RALYL: variants seen among roughly 807,000 people sequenced by gnomAD.
RALYL encodes RALY RNA binding protein like.
RALYL carries 29 observed loss-of-function variants against 35.1 expected under a neutral mutation model. The observed-to-expected ratio is 0.83, with a 90% CI of 0.61 to 1.13. RALYL has a LOEUF of 1.13. Among genes scored for constraint, RALYL ranks in the 50% most tolerant of loss-of-function variants. The pLI is 0.00. For synonymous variants in RALYL, 120 were observed against 127.6 expected, an observed-to-expected ratio of 0.94 and a Z score of 0.40; for missense variants, 359 against 360.4, an observed-to-expected ratio of 1.00 and a Z score of 0.03.
At chr8:84,814,214 T>C (rs1487781611) in intron 4 of RALYL, among the ~76,000 whole-genome samples, 1 of 152,190 alleles carries the variant, frequency 6.6e-6, no homozygotes, top group Non-Finnish European at 1.5e-5. Flanking sequence ...GGTATATTTA[T>C]GTATCATGTT....
At chr8:84,312,117 G>T (rs961813565) in intron 1 of RALYL, among the ~76,000 whole-genome samples, 4 of 152,182 alleles carry the variant, frequency 2.6e-5, no homozygotes, top group African/African-American at 4.8e-5. Context: ...TCATAAGGTG[G>T]CAGGAGAGAG....
chr8:84,606,195 A>C (rs575294484), intron 2 of RALYL, among the ~76,000 whole-genome samples: 1 of 152,170 alleles, frequency 6.6e-6, no homozygotes, highest in African/African-American at 2.4e-5. Context: ...ATCTCCCCTC[A>C]GTTTCTTTAA....
At chr8:84,620,817 G>A (rs1159961282) in intron 2 of RALYL, among the ~76,000 whole-genome samples, 2 of 152,112 alleles carry the variant, frequency 1.3e-5, no homozygotes, top group African/African-American at 2.4e-5. Context: ...CTAACAGACA[G>A]GACCCTCAGC....
At chr8:84,774,290 C>T (rs1375236124) in intron 2 of RALYL, among the ~76,000 whole-genome samples, 1 of 152,126 alleles carries the variant, frequency 6.6e-6, no homozygotes, top group Non-Finnish European at 1.5e-5. Flanking sequence ...TAGTACTCAT[C>T]GTTTTCTAAT....
At chr8:84,847,846 C>T (rs1258370778) in intron 4 of RALYL, among the ~76,000 whole-genome samples, 3 of 152,088 alleles carry the variant, frequency 2.0e-5, no homozygotes, top group Admixed American at 6.5e-5. Context: ...AGCACCTGAA[C>T]CCAAACACCA....
intron 1 of RALYL, among the ~76,000 whole-genome samples, chr8:84,468,472 C>T (rs537870989): frequency 6.7e-6 from 1 of 148,208 alleles, no homozygotes; most frequent in Non-Finnish European, 1.5e-5. Flanking sequence ...AACATTGGCC[C>T]CCACTCTCTT....
chr8:84,293,367 C>A (rs73304879), intron 1 of RALYL, among the ~76,000 whole-genome samples: 7,045 of 152,116 alleles, frequency 0.046, 263 homozygotes, highest in African/African-American at 0.083. Flanking sequence ...AGGGATTATT[C>A]TTCTTTAATA....
At chr8:84,898,484 C>T (rs1350170984) in intron 8 of RALYL, among the ~76,000 whole-genome samples, 1 of 152,166 alleles carries the variant, frequency 6.6e-6, no homozygotes, top group African/African-American at 2.4e-5. Context: ...CTGAGAACCA[C>T]TGGGATAGAG....
intron 1 of RALYL, among the ~76,000 whole-genome samples, chr8:84,459,142 A>C (rs1422419919): frequency 2.0e-5 from 3 of 151,838 alleles, no homozygotes; most frequent in Non-Finnish European, 4.4e-5. Flanking sequence ...ATTGTATATG[A>C]AACTAATGGA....
intron 1 of RALYL, among the ~76,000 whole-genome samples, chr8:84,307,738 C>T (rs1842095030): frequency 6.6e-6 from 1 of 152,116 alleles, no homozygotes; most frequent in African/African-American, 2.4e-5. Flanking sequence ...TCTGAGAAAA[C>T]CAATCCAGTT....
intron 2 of RALYL, among the ~76,000 whole-genome samples, chr8:84,753,378 T>C (rs1810547001): frequency 6.6e-6 from 1 of 152,168 alleles, no homozygotes; most frequent in South Asian, 2.1e-4. Context: ...CCTTGGACTT[T>C]TGAGTTAATG....
Position 84,726,350 on chromosome 8 carries a change from A to G in RALYL, c.257-48229A>G, listed in dbSNP as rs1172202966. ...TATATATAATTTTATTTTTGTAGGT[A>G]TAGTCCTGTGCAATGTCTTCCTTAC... On this transcript the variant is annotated intron_variant, in intron 2 of 8. Transcript: ENST00000521268. Among the ~76,000 whole-genome samples the G allele has an allele frequency of 2.0e-5, 3 of 148,310 alleles. No homozygotes were observed. The Admixed American group carries it at 2.0e-4, about 10-fold the overall frequency.
intron 1 of RALYL, among the ~76,000 whole-genome samples, chr8:84,289,860 T>A (rs1723128025): frequency 6.6e-6 from 1 of 152,198 alleles, no homozygotes; most frequent in African/African-American, 2.4e-5. Flanking sequence ...AAAATCTGTA[T>A]TGTACCAAGA....
chr8:84,868,216 A>AT (rs869250674), intron 6 of RALYL, among the ~76,000 whole-genome samples: 3 of 152,158 alleles, frequency 2.0e-5, no homozygotes, highest in South Asian at 4.2e-4. Flanking sequence ...CACTTAAAAA[A>AT]TTTTTTTAGA....
At chr8:84,692,235 T>C (rs899466351) in intron 2 of RALYL, among the ~76,000 whole-genome samples, 1 of 151,938 alleles carries the variant, frequency 6.6e-6, no homozygotes, top group African/African-American at 2.4e-5. Context: ...TCATAGCCAC[T>C]GAAGACAGAA....
At chr8:84,495,079 C>G (rs1341683628) in intron 1 of RALYL, among the ~76,000 whole-genome samples, 2 of 152,056 alleles carry the variant, frequency 1.3e-5, no homozygotes, top group Non-Finnish European at 2.9e-5. Flanking sequence ...CCATCCATAC[C>G]TAGTTTCTTG....
At chr8:84,505,606 A>C (rs924805133) in intron 1 of RALYL, among the ~76,000 whole-genome samples, 3 of 152,236 alleles carry the variant, frequency 2.0e-5, no homozygotes, top group African/African-American at 7.2e-5. Context: ...CAAGTTTGTC[A>C]CATGGGTATA....
At chr8:84,341,026 C>G (rs1848689481) in intron 1 of RALYL, among the ~76,000 whole-genome samples, 1 of 151,844 alleles carries the variant, frequency 6.6e-6, no homozygotes, top group Admixed American at 6.6e-5. Context: ...GAGATGATAT[C>G]TCATTGTGGT....
Position 84,486,359 on chromosome 8 carries a change from A to G in RALYL, c.-23-42940A>G, listed in dbSNP as rs192681919. 4.4e-3 allele frequency among the ~76,000 whole-genome samples: 660 copies of G among 151,620 alleles called. 1 individual carries two copies. Among genetic ancestry groups the G allele is most frequent in the Admixed American group, 7.8e-3 (119 of 15,230 alleles). ...CTTAAAAGCTTAATATTTTAAAATTATATTTATACTTTTTTGAAAAAAAGG... is the reference window on the plus strand; with the variant it reads ...CTTAAAAGCTTAATATTTTAAAATTGTATTTATACTTTTTTGAAAAAAAGG... On this transcript the variant is annotated intron_variant, in intron 1 of 8. Coordinates refer to ENST00000521268, the MANE Select transcript of RALYL (RefSeq NM_173848.7).
Sources: allele counts gnomAD v4.1 joint callset (sites outside exome capture counted in the v4.1 genomes callset), GRCh38; gene constraint gnomAD v4.1.1; transcripts MANE v1.5; gene names NCBI Gene and HGNC (gene_info 2026-07-23, HGNC 2026-07-21).